The following CCSER1 variants were observed in gnomAD, a reference collection of about 807,000 sequenced individuals.
CCSER1 encodes coiled-coil serine rich protein 1.
CCSER1 carries 41 observed loss-of-function variants against 82.0 expected under a neutral mutation model. That is an observed-to-expected ratio of 0.50 (90% CI 0.39 to 0.65). The LOEUF is 0.65. Ranked by LOEUF, CCSER1 falls within the 30% of genes least tolerant of loss-of-function variation. The probability of loss-of-function intolerance (pLI) is 0.00; values close to 1 mark genes in which losing one functional copy is unlikely to be tolerated. For missense variants in CCSER1, 1,119 were observed against 1,064.2 expected, an observed-to-expected ratio of 1.05 and a Z score of -0.72; for synonymous variants, 414 against 383.9, an observed-to-expected ratio of 1.08 and a Z score of -0.92.
chr4:90,656,422 A>C (rs1437034443), intron 6 of CCSER1, among the ~76,000 whole-genome samples: 1 of 151,682 alleles, frequency 6.6e-6, no homozygotes, highest in Non-Finnish European at 1.5e-5. Flanking sequence ...TTTTTAATAA[A>C]TATTCTGGTG....
chr4:90,903,944 G>A (rs1677535901), intron 8 of CCSER1, among the ~76,000 whole-genome samples: 1 of 151,360 alleles, frequency 6.6e-6, no homozygotes, highest in Non-Finnish European at 1.5e-5. Flanking sequence ...TTTTACTATT[G>A]ATTTTTAAAT....
At chr4:91,102,625 A>G (rs945893591) in intron 10 of CCSER1, among the ~76,000 whole-genome samples, 1 of 152,186 alleles carries the variant, frequency 6.6e-6, no homozygotes, top group African/African-American at 2.4e-5. Flanking sequence ...AGATATTTTT[A>G]TTTGAAAAGG....
At chr4:90,483,672 C>G (rs1234897063) in intron 5 of CCSER1, among the ~76,000 whole-genome samples, 2 of 151,456 alleles carry the variant, frequency 1.3e-5, no homozygotes, top group Non-Finnish European at 3.0e-5. Context: ...GTTGAAAATT[C>G]TTTTCTTTAA....
At chr4:90,862,527 C>A (rs1765228927) in intron 8 of CCSER1, among the ~76,000 whole-genome samples, 3 of 151,880 alleles carry the variant, frequency 2.0e-5, no homozygotes, top group African/African-American at 7.2e-5. Flanking sequence ...CCTTTAAAGA[C>A]AACAGGATGT....
At chr4:90,138,817 A>G (rs117431560) in intron 1 of CCSER1, among the ~76,000 whole-genome samples, 1 of 152,120 alleles carries the variant, frequency 6.6e-6, no homozygotes, top group Non-Finnish European at 1.5e-5. Flanking sequence ...CTCCATGTTC[A>G]CTTTTTAAGA....
chr4:90,810,369 C>T (rs1307077947), intron 7 of CCSER1, among the ~76,000 whole-genome samples: 4 of 152,072 alleles, frequency 2.6e-5, no homozygotes, highest in Middle Eastern at 3.4e-3. Context: ...TCAGTGAGGC[C>T]AGGAACAGTG....
chr4:90,817,533 T>C (rs1435142178), intron 8 of CCSER1, among the ~76,000 whole-genome samples: 2 of 152,144 alleles, frequency 1.3e-5, no homozygotes, highest in Non-Finnish European at 2.9e-5. Flanking sequence ...ATTACTCAAA[T>C]TGGCTACTTA....
At chr4:90,563,984 A>C (rs1779079652) in intron 5 of CCSER1, among the ~76,000 whole-genome samples, 1 of 152,166 alleles carries the variant, frequency 6.6e-6, no homozygotes, top group Non-Finnish European at 1.5e-5. Flanking sequence ...CATTCTGACA[A>C]GAGTGAGGGA....
intron 9 of CCSER1, 83 bp downstream of exon 9, chr4:90,923,530 T>C (rs1191858593): frequency 1.1e-6 from 1 of 897,968 alleles, no homozygotes; most frequent in African/African-American, 1.7e-5. Flanking sequence ...GGCTGCTGTG[T>C]CCATGCATTG....
intron 8 of CCSER1, among the ~76,000 whole-genome samples, chr4:90,849,003 T>C (rs1304722537): frequency 6.6e-6 from 1 of 152,242 alleles, no homozygotes; most frequent in African/African-American, 2.4e-5. Context: ...CATTTCTTTA[T>C]AAATTACCCA....
intron 9 of CCSER1, among the ~76,000 whole-genome samples, chr4:90,956,052 C>T (rs1467887314): frequency 6.6e-6 from 1 of 152,098 alleles, no homozygotes; most frequent in Non-Finnish European, 1.5e-5. Flanking sequence ...CTCACTTCCT[C>T]ACTGCAAGAT....
At chr4:90,751,567 A>T (rs1748671287) in intron 7 of CCSER1, among the ~76,000 whole-genome samples, 1 of 152,126 alleles carries the variant, frequency 6.6e-6, no homozygotes, top group Non-Finnish European at 1.5e-5. Context: ...ATTTACAAAG[A>T]TTAATTGTAG....
chr4:90,891,848 A>C (rs186340960), intron 8 of CCSER1, among the ~76,000 whole-genome samples: 1 of 152,092 alleles, frequency 6.6e-6, no homozygotes, highest in African/African-American at 2.4e-5. Flanking sequence ...ATACTGCTCT[A>C]AAGTTTTACT....
At chr4:90,759,225 A>G (rs1750055424) in intron 7 of CCSER1, among the ~76,000 whole-genome samples, 1 of 152,218 alleles carries the variant, frequency 6.6e-6, no homozygotes, top group East Asian at 1.9e-4. Context: ...CAGCATTGGA[A>G]TGATTTCTTA....
intron 10 of CCSER1, among the ~76,000 whole-genome samples, chr4:91,335,338 C>G (rs1312881913): frequency 6.6e-6 from 1 of 152,056 alleles, no homozygotes; most frequent in Non-Finnish European, 1.5e-5. Flanking sequence ...ACCCTGTCCC[C>G]ACATCCAGAC....
At chr4:90,458,855 T>G (rs1180038576) in intron 4 of CCSER1, among the ~76,000 whole-genome samples, 1 of 152,152 alleles carries the variant, frequency 6.6e-6, no homozygotes, top group Admixed American at 6.5e-5. Flanking sequence ...ACACATCGCT[T>G]TTGATGGAAG....
chr4:91,261,670 A>G (rs991600235), intron 10 of CCSER1, among the ~76,000 whole-genome samples: 4 of 152,192 alleles, frequency 2.6e-5, no homozygotes, highest in Admixed American at 1.3e-4. Context: ...AGCTCTGAGC[A>G]TGGAAAACTG....
intron 9 of CCSER1, among the ~76,000 whole-genome samples, chr4:91,072,193 G>A (rs541687301): frequency 4.9e-4 from 74 of 152,256 alleles, no homozygotes; most frequent in African/African-American, 1.7e-3. Flanking sequence ...GGGCATGGAA[G>A]TGCTAATCTA....
At chr4:91,159,345 T>A (rs952027946) in intron 10 of CCSER1, among the ~76,000 whole-genome samples, 2 of 151,964 alleles carry the variant, frequency 1.3e-5, no homozygotes, top group Non-Finnish European at 2.9e-5. Context: ...ATTAATTATT[T>A]CATTCTGTGT....
Sources: allele counts gnomAD v4.1 joint callset (sites outside exome capture counted in the v4.1 genomes callset), GRCh38; gene constraint gnomAD v4.1.1; transcripts MANE v1.5; gene names NCBI Gene and HGNC (gene_info 2026-07-23, HGNC 2026-07-21).